GRIA1: variants seen among roughly 807,000 people sequenced by gnomAD.
The protein encoded by GRIA1 is glutamate ionotropic receptor AMPA type subunit 1, also known as glutamate receptor 1.
In GRIA1, 31 loss-of-function variants were observed where a neutral mutation model predicts 99.2. The observed-to-expected ratio is 0.31, with a 90% CI of 0.23 to 0.42. GRIA1 has a LOEUF of 0.42. Among genes scored for constraint, GRIA1 ranks in the 10% least tolerant of loss-of-function variants. GRIA1 has a pLI of 1.00. For synonymous variants in GRIA1, 438 were observed against 432.4 expected (o/e 1.01, Z -0.16); for missense variants, 782 against 1,157.5 (o/e 0.68, Z 4.71).
chr5:153,525,020 G>A (rs1051051756), intron 2 of GRIA1, among the ~76,000 whole-genome samples: 5 of 152,176 alleles, frequency 3.3e-5, no homozygotes, highest in African/African-American at 1.2e-4. Flanking sequence ...ATCTCTTAAG[G>A]ATTCGACTAT....
Position 153,802,443 on chromosome 5 carries a change from T to C in GRIA1, c.2473T>C (p.Leu825=). 1 of 1,614,008 alleles carries C rather than the reference T, an allele frequency of 6.2e-7. No individual in the cohort carries two copies. Among genetic ancestry groups the C allele is most frequent in the Non-Finnish European group, 8.5e-7 (1 of 1,179,946 alleles). The part of the protein sequence containing the change: ...GGLGLAMLVA[L]IEFCYKSRSE... ...ACTTGGACTAGCCATGCTGGTTGCC[T>C]TAATCGAGTTCTGCTACAAATCCCG... Residue 825 remains leucine (L), a synonymous_variant, in exon 15 of 16, where the codon TTA becomes CTA. Transcript: ENST00000285900.
chr5:153,695,457 T>C (rs1758027236), intron 8 of GRIA1, among the ~76,000 whole-genome samples: 1 of 152,184 alleles, frequency 6.6e-6, no homozygotes, highest in Non-Finnish European at 1.5e-5. Flanking sequence ...AGCTCTCTCC[T>C]CTTCACTGCC....
chr5:153,734,828 T>A (rs1178438166), intron 11 of GRIA1, among the ~76,000 whole-genome samples: 1 of 152,138 alleles, frequency 6.6e-6, no homozygotes, highest in African/African-American at 2.4e-5. Context: ...AGGAACATGT[T>A]TGTGAGCCAT....
At chr5:153,759,164 CA>C (rs112082035) in intron 11 of GRIA1, among the ~76,000 whole-genome samples, 138 of 139,396 alleles carry the variant, frequency 9.9e-4, no homozygotes, top group Middle Eastern at 3.9e-3. Context: ...CTTCAAAGAC[CA>C]AAAAAAAAAA....
intron 14 of GRIA1, among the ~76,000 whole-genome samples, chr5:153,799,910 A>G (rs1465567154): frequency 6.6e-6 from 1 of 151,968 alleles, no homozygotes; most frequent in African/African-American, 2.4e-5. Context: ...ATCTCACCCT[A>G]CTTCCTTCCT....
intron 2 of GRIA1, among the ~76,000 whole-genome samples, chr5:153,573,670 C>T (rs1227537328): frequency 6.6e-6 from 1 of 152,030 alleles, no homozygotes; most frequent in African/African-American, 2.4e-5. Context: ...TTTGGAGGAC[C>T]TACTAAGTGC....
At chr5:153,704,837 C>A (rs767427927) in intron 10 of GRIA1, among the ~76,000 whole-genome samples, 1 of 152,170 alleles carries the variant, frequency 6.6e-6, no homozygotes, top group Non-Finnish European at 1.5e-5. Flanking sequence ...ATAACACATA[C>A]CCCTTCCACC....
intron 2 of GRIA1, among the ~76,000 whole-genome samples, chr5:153,526,533 T>C (rs970456590): frequency 2.0e-5 from 3 of 152,142 alleles, no homozygotes; most frequent in African/African-American, 7.2e-5. Flanking sequence ...CCCAGAAATG[T>C]CTTTAAATAT....
At chr5:153,697,863 G>A (rs1192625535) in intron 8 of GRIA1, among the ~76,000 whole-genome samples, 181 bp from the exon 9 acceptor site, 2 of 152,188 alleles carry the variant, frequency 1.3e-5, no homozygotes, top group Admixed American at 6.5e-5. Flanking sequence ...GCAAAATTGG[G>A]GGCACCTGAA....
Position 153,578,148 on chromosome 5 carries a change from C to CAAAA in GRIA1, c.221-68758_221-68755dup, listed in dbSNP as rs60901793. On this transcript the variant is annotated intron_variant, in intron 2 of 15. Coordinates refer to ENST00000285900, the MANE Select transcript of GRIA1 (RefSeq NM_000827.4). The stretch of plus-strand genomic sequence containing the variant: ...CCTGAGCAGCAGAGAGAGACTCTGT[C>CAAAA]AAAAAAAAAAAAAAAAAAAAAAAAA... 5.3e-3 allele frequency among the ~76,000 whole-genome samples: 364 copies of CAAAA among 69,100 alleles called. 4 individuals carry two copies. The highest frequency in any genetic ancestry group is 0.019 in the Middle Eastern group (2 of 106). 45.3% of individuals were successfully genotyped at this position (69,100 alleles called of 152,430 possible).
intron 13 of GRIA1, 113 bp from the exon 14 acceptor site, chr5:153,794,508 G>T: frequency 1.3e-6 from 1 of 744,412 alleles, no homozygotes. Flanking sequence ...TCAGGTCAAA[G>T]GGCAACCTGG....
chr5:153,536,501 T>C (rs374198443), intron 2 of GRIA1, among the ~76,000 whole-genome samples: 58 of 152,304 alleles, frequency 3.8e-4, no homozygotes, highest in African/African-American at 1.3e-3. Flanking sequence ...CTTTCTCTCT[T>C]CTTCCTCTTG....
chr5:153,756,483 G>A (rs1376808453), intron 11 of GRIA1, among the ~76,000 whole-genome samples: 1 of 152,184 alleles, frequency 6.6e-6, no homozygotes, highest in East Asian at 1.9e-4. Flanking sequence ...AACACTGTAG[G>A]CAGGGTTGCC....
chr5:153,810,987 C>A (rs1561880039), intron 15 of GRIA1, 38 bp from the exon 16 acceptor site: 2 of 1,508,104 alleles, frequency 1.3e-6, no homozygotes, highest in Non-Finnish European at 1.8e-6. Context: ...CTGTCATTGC[C>A]AAGGACCCGG....
chr5:153,728,264 T>C (rs1167852798), intron 11 of GRIA1, among the ~76,000 whole-genome samples: 1 of 151,506 alleles, frequency 6.6e-6, no homozygotes, highest in African/African-American at 2.4e-5. Flanking sequence ...ACGTTAGACC[T>C]AAAACCATAA....
chr5:153,609,414 G>T (rs1765760263), intron 2 of GRIA1, among the ~76,000 whole-genome samples: 1 of 141,408 alleles, frequency 7.1e-6, no homozygotes, highest in Admixed American at 7.4e-5. Flanking sequence ...TGAAAAAAAT[G>T]ATAGATATGT....
At chr5:153,578,148 C>CAAAAAAAAAAAAAAAAAAAAAAAAAAAAA (rs60901793) in intron 2 of GRIA1, among the ~76,000 whole-genome samples, 30 of 69,316 alleles carry the variant, frequency 4.3e-4, no homozygotes, top group East Asian at 9.4e-4. Flanking sequence ...GAGACTCTGT[C>CAAAAAAAAAAAAAAAAAAAAAAAAAAAAA]AAAAAAAAAA....
chr5:153,538,507 C>T (rs1218982620), intron 2 of GRIA1, among the ~76,000 whole-genome samples: 2 of 152,040 alleles, frequency 1.3e-5, no homozygotes, highest in Non-Finnish European at 2.9e-5. Context: ...CCTCCCACCA[C>T]CCAAGGTCTG....
At chr5:153,675,616 T>A (rs1756514892) in intron 6 of GRIA1, among the ~76,000 whole-genome samples, 1 of 152,230 alleles carries the variant, frequency 6.6e-6, no homozygotes, top group Non-Finnish European at 1.5e-5. Flanking sequence ...CTCTTGCCAC[T>A]CAATCCATTT....
Sources: allele counts gnomAD v4.1 joint callset (sites outside exome capture counted in the v4.1 genomes callset), GRCh38; gene constraint gnomAD v4.1.1; transcripts MANE v1.5; gene names NCBI Gene and HGNC (gene_info 2026-07-23, HGNC 2026-07-21).